SLC6A6: variants seen among roughly 807,000 people sequenced by gnomAD.
SLC6A6 encodes the protein sodium- and chloride-dependent taurine transporter.
SLC6A6 carries 16 observed loss-of-function variants against 68.8 expected under a neutral mutation model. The observed-to-expected ratio is 0.23, with a 90% CI of 0.16 to 0.35. The LOEUF (loss-of-function observed/expected upper bound fraction) is 0.35, where lower values mean the gene tolerates loss of function less well. SLC6A6 is among the 10% of genes least tolerant of loss of function. SLC6A6 has a pLI of 1.00. For missense variants in SLC6A6, 474 were observed against 802.8 expected (o/e 0.59, Z 4.95); for synonymous variants, 312 against 315.4 (o/e 0.99, Z 0.12).
intron 1 of SLC6A6, among the ~76,000 whole-genome samples, chr3:14,415,420 C>T (rs951505487): frequency 5.9e-5 from 9 of 152,214 alleles, no homozygotes; most frequent in African/African-American, 1.9e-4. Flanking sequence ...GGCAGGGCTA[C>T]AGCTACAGCA....
At chr3:14,471,130 C>CTTTTTTTTTTTT (rs754511089) in intron 9 of SLC6A6, among the ~76,000 whole-genome samples, 27 of 83,050 alleles carry the variant, frequency 3.3e-4, no homozygotes, top group East Asian at 6.8e-4. Flanking sequence ...TGCTTCTTGA[C>CTTTTTTTTTTTT]TTTTTTTTTT....
chr3:14,422,159 C>T (rs961596977), intron 2 of SLC6A6, among the ~76,000 whole-genome samples: 3 of 152,094 alleles, frequency 2.0e-5, no homozygotes, highest in South Asian at 2.1e-4. Flanking sequence ...AAGCAAGCAC[C>T]GCCAGGATCC....
Position 14,486,190 on chromosome 3 carries a change from TCTCCCCA to T in SLC6A6, c.*1194_*1200del, listed in dbSNP as rs1701157589. ...CGGGGAGGGGTGCTTTCTTTCCTCA[TCTCCCCA>T]CTCCCCACTCTCAGCCTGGGAGACT... On this transcript the variant is annotated 3_prime_UTR_variant, in exon 15 of 15. Transcript: ENST00000622186. 1 of 152,320 alleles carries T rather than the reference TCTCCCCA, an allele frequency of 6.6e-6. No homozygotes were observed. Among genetic ancestry groups the T allele is most frequent in the African/African-American group, 2.4e-5 (1 of 41,288 alleles). The allele number at this position is 152,320 out of a possible 1,614,324, so 9.4% of individuals were successfully genotyped here.
At chr3:14,466,024 G>A (rs1274378481) in intron 6 of SLC6A6, among the ~76,000 whole-genome samples, 1 of 152,134 alleles carries the variant, frequency 6.6e-6, no homozygotes, top group African/African-American at 2.4e-5. Flanking sequence ...CACTTTGGGA[G>A]GCTGAGGCAG....
chr3:14,479,745 C>A (rs749876834), intron 13 of SLC6A6, among the ~76,000 whole-genome samples: 1 of 152,190 alleles, frequency 6.6e-6, no homozygotes, highest in Non-Finnish European at 1.5e-5. Context: ...GTTCTTCCCA[C>A]GAGGATGCTC....
chr3:14,451,017 C>T (rs554515298), intron 5 of SLC6A6, among the ~76,000 whole-genome samples: 1 of 152,150 alleles, frequency 6.6e-6, no homozygotes, highest in South Asian at 2.1e-4. Context: ...GAGCACTGTC[C>T]CCATGCACTG....
At chr3:14,423,395 C>T (rs566376057) in intron 2 of SLC6A6, among the ~76,000 whole-genome samples, 6 of 152,292 alleles carry the variant, frequency 3.9e-5, no homozygotes, top group Admixed American at 6.5e-5. Flanking sequence ...AACCACTATA[C>T]ACCAGGCACA....
intron 13 of SLC6A6, among the ~76,000 whole-genome samples, chr3:14,480,491 G>T (rs561093623): frequency 6.6e-6 from 1 of 152,272 alleles, no homozygotes; most frequent in Admixed American, 6.5e-5. Flanking sequence ...AGCTCCTCCT[G>T]CTTGGGAGGG....
rs1391469650 is a variant in SLC6A6 at position 14,477,292 on chromosome 3, G to A, written c.1297G>A (p.Ala433Thr). Residue 433 changes from alanine to threonine, a missense_variant, in exon 11 of 15, where the codon GCC (alanine) becomes ACC (threonine). Ala to Thr is a moderately conservative substitution (Grantham distance 58). Transcript: ENST00000622186. This position sits in a 1 kb window ranked among gnomAD's most constrained non-coding sequence, Gnocchi z 4.2. ...RKGYRREIFI[A>T]FVCSISYLLG... The stretch of plus-strand genomic sequence containing the variant: ...GGGTTATCGTCGGGAAATCTTCATC[G>A]CCTTCGTGTGTAGCATCAGCTACCT... 3.1e-6 allele frequency: 5 copies of A among 1,613,850 alleles called. No individual in the cohort carries two copies. The highest frequency in any genetic ancestry group is 1.3e-5 in the African/African-American group (1 of 74,902).
intron 6 of SLC6A6, among the ~76,000 whole-genome samples, chr3:14,461,404 G>A (rs1700490640): frequency 1.3e-5 from 2 of 152,198 alleles, no homozygotes; most frequent in African/African-American, 2.4e-5. Context: ...ACACTCTTCC[G>A]CCTCTTGTGC....
chr3:14,410,922 G>A (rs984087011), intron 1 of SLC6A6: 9 of 152,288 alleles, frequency 5.9e-5, no homozygotes. Context: ...AGGTCCTAAG[G>A]GACATCCTCT....
In SLC6A6 at chr3:14,468,021, G is replaced by A. The variant is rs1476341469; in HGVS notation, c.971+65G>A. On this transcript the variant is annotated intron_variant, in intron 8 of 14. Coordinates refer to ENST00000622186, the MANE Select transcript of SLC6A6 (RefSeq NM_003043.6). This position sits in a 1 kb window ranked among gnomAD's most constrained non-coding sequence, Gnocchi z 4.5. ...GATGATGATGATGTTTAAAGAAAAA[G>A]AGAAGTAGGGAGCGTGGCTTCCTTG... 1.9e-6 allele frequency: 3 copies of A among 1,611,894 alleles called. No individual in the cohort carries two copies. The South Asian group carries it at 3.3e-5, about 18-fold the overall frequency.
intron 10 of SLC6A6, among the ~76,000 whole-genome samples, chr3:14,473,477 C>T (rs890814144): frequency 6.6e-6 from 1 of 152,098 alleles, no homozygotes; most frequent in African/African-American, 2.4e-5. Flanking sequence ...GTCCCCCTCC[C>T]CGCGGGCCGA....
At chr3:14,483,518 C>T (rs2125001424) in intron 14 of SLC6A6, among the ~76,000 whole-genome samples, 2 of 152,258 alleles carry the variant, frequency 1.3e-5, no homozygotes, top group South Asian at 4.1e-4. Flanking sequence ...AGGCACAGCC[C>T]ATTGTATGGA....
In SLC6A6 at chr3:14,447,653, A is replaced by G; in HGVS notation, c.436A>G (p.Thr146Ala). The change falls in exon 5 of 15, where the codon ACA (threonine) becomes GCA (alanine). Residue 146 changes from threonine (T) to alanine (A), a missense_variant. By Grantham distance (58) the Thr-to-Ala change is moderately conservative. This residue lies in a region of SLC6A6 where 280 missense variants were observed against 533.1 expected (regional missense o/e 0.53). Coordinates refer to ENST00000622186, the MANE Select transcript of SLC6A6 (RefSeq NM_003043.6). ...CTACATCGTCATCCTGGCCTGGGCCACATACTACCTGTTCCAGTCCTTCCA... is the reference window on the plus strand; with the variant it reads ...CTACATCGTCATCCTGGCCTGGGCCGCATACTACCTGTTCCAGTCCTTCCA... Reference protein sequence around the residue: ...VYYIVILAWATYYLFQSFQKE... With the variant: ...VYYIVILAWAAYYLFQSFQKE... The G allele has an allele frequency of 6.2e-7, 1 of 1,614,258 alleles. No individual in the cohort carries two copies. Among genetic ancestry groups the G allele is most frequent in the Non-Finnish European group, 8.5e-7 (1 of 1,180,044 alleles).
At chr3:14,415,503 C>T (rs1699343143) in intron 1 of SLC6A6, among the ~76,000 whole-genome samples, 1 of 152,318 alleles carries the variant, frequency 6.6e-6, no homozygotes, top group East Asian at 1.9e-4. Context: ...CCTGAGACAC[C>T]CACTGCCCAT....
At chr3:14,440,154 C>T (rs1403543107) in intron 2 of SLC6A6, among the ~76,000 whole-genome samples, 3 of 152,152 alleles carry the variant, frequency 2.0e-5, no homozygotes, top group Non-Finnish European at 4.4e-5. Flanking sequence ...ACCCTCACAA[C>T]ACTCCCACAG....
chr3:14,466,603 A>G lies in SLC6A6; in HGVS notation c.820A>G (p.Ile274Val). 1 of 1,612,148 alleles carries G rather than the reference A, an allele frequency of 6.2e-7. No homozygotes were observed. Among genetic ancestry groups the G allele is most frequent in the Non-Finnish European group, 8.5e-7 (1 of 1,178,810 alleles). ...GACGCTGCCGGGCGCGGGCGCAGGC[A>G]TCAAGTTCTATCTGTATCCTGACAT... ...GLTLPGAGAG[I>V]KFYLYPDITR... Residue 274 changes from isoleucine to valine, a missense_variant, in exon 7 of 15, where the codon ATC (isoleucine) becomes GTC (valine). Ile to Val is a conservative substitution (Grantham distance 29). Coordinates refer to ENST00000622186, the MANE Select transcript of SLC6A6 (RefSeq NM_003043.6).
chr3:14,438,662 A>T (rs1356740248), intron 2 of SLC6A6, among the ~76,000 whole-genome samples: 1 of 152,180 alleles, frequency 6.6e-6, no homozygotes, highest in Non-Finnish European at 1.5e-5. Flanking sequence ...TTTGCTGAGA[A>T]ACCTGGCCCA....
Sources: gnomAD v4.1 joint callset for allele counts (sites outside exome capture counted in the v4.1 genomes callset) on GRCh38, gnomAD v4.1.1 for gene constraint, gnomAD v4.1.1 regional missense constraint, Gnocchi (gnomAD v3.1) non-coding constraint, MANE v1.5 for transcripts, NCBI Gene and HGNC (gene_info 2026-07-23, HGNC 2026-07-21) for gene names.